The following GABRA1 variants were observed in gnomAD, a reference collection of about 807,000 sequenced individuals.
The protein encoded by GABRA1 is gamma-aminobutyric acid type A receptor subunit alpha1.
In GABRA1, 9 loss-of-function variants were observed where a neutral mutation model predicts 48.9. The observed-to-expected ratio is 0.18, with a 90% CI of 0.11 to 0.32. The LOEUF (loss-of-function observed/expected upper bound fraction) is 0.32. Ranked by LOEUF, GABRA1 falls within the 10% of genes least tolerant of loss-of-function variation. GABRA1 has a pLI of 1.00. For missense variants in GABRA1, 285 were observed against 553.8 expected (o/e 0.51, Z 4.87); for synonymous variants, 210 against 198.7 (o/e 1.06, Z -0.48).
intron 8 of GABRA1, among the ~76,000 whole-genome samples, chr5:161,893,924 A>C (rs1453512799): frequency 1.3e-5 from 2 of 152,194 alleles, no homozygotes; most frequent in African/African-American, 4.8e-5. Context: ...GTATTTTCCT[A>C]TGGCACAAAT....
intron 3 of GABRA1, among the ~76,000 whole-genome samples, chr5:161,862,524 T>C (rs1420072368): frequency 6.6e-6 from 1 of 151,910 alleles, no homozygotes; most frequent in East Asian, 1.9e-4. Flanking sequence ...TAATCTGAAT[T>C]TAATTAGCAG....
intron 7 of GABRA1, among the ~76,000 whole-genome samples, chr5:161,888,816 T>C (rs958296603): frequency 1.3e-5 from 2 of 151,980 alleles, no homozygotes; most frequent in Non-Finnish European, 2.9e-5. Context: ...CAGAAAATAA[T>C]AAGAAATTAA....
chr5:161,860,581 G>A (rs1323244944), intron 3 of GABRA1, among the ~76,000 whole-genome samples: 5 of 151,748 alleles, frequency 3.3e-5, no homozygotes, highest in African/African-American at 1.2e-4. Context: ...TAGCACAACA[G>A]GGTGACTATA....
chr5:161,881,297 C>T (rs142656013), intron 6 of GABRA1, among the ~76,000 whole-genome samples: 25 of 152,192 alleles, frequency 1.6e-4, no homozygotes, highest in Non-Finnish European at 7.4e-5. Flanking sequence ...GAAGAGAGTA[C>T]GTACTATCAT....
chr5:161,859,050 G>A (rs1040813698), intron 3 of GABRA1, among the ~76,000 whole-genome samples: 1 of 151,686 alleles, frequency 6.6e-6, no homozygotes, highest in Non-Finnish European at 1.5e-5. Flanking sequence ...ACATTTAACA[G>A]ATATTTAGTT....
At chr5:161,876,552 A>G (rs761771179) in intron 6 of GABRA1, among the ~76,000 whole-genome samples, 2 of 152,160 alleles carry the variant, frequency 1.3e-5, no homozygotes, top group Non-Finnish European at 2.9e-5. Flanking sequence ...GACAGAAAGT[A>G]AAGAAAATAG....
At chr5:161,883,718 T>C (rs1369982202) in intron 7 of GABRA1, among the ~76,000 whole-genome samples, 1 of 152,174 alleles carries the variant, frequency 6.6e-6, no homozygotes, top group Non-Finnish European at 1.5e-5. Flanking sequence ...CTTCTTCTGA[T>C]TTCATGCTTT....
intron 3 of GABRA1, among the ~76,000 whole-genome samples, chr5:161,856,328 GAA>G (rs1757642202): frequency 6.6e-6 from 1 of 151,232 alleles, no homozygotes; most frequent in East Asian, 1.9e-4. Flanking sequence ...GTTAATCCCA[GAA>G]AATAACAAAA....
chr5:161,894,823 G>T (rs544894669), intron 8 of GABRA1, among the ~76,000 whole-genome samples: 235 of 152,150 alleles, frequency 1.5e-3, no homozygotes, highest in African/African-American at 4.9e-3. Context: ...ACTAAAATGG[G>T]CTAACTTGAA....
At chr5:161,853,923 C>G (rs553659837) in intron 2 of GABRA1, among the ~76,000 whole-genome samples, 74 of 151,716 alleles carry the variant, frequency 4.9e-4, no homozygotes, top group African/African-American at 1.8e-3. Context: ...AAAAAGTAAA[C>G]AGACAGAAGT....
chr5:161,872,933 A>C lies in GABRA1; in HGVS notation c.256-184A>C. 3 of 601,362 alleles carry C rather than the reference A, an allele frequency of 5.0e-6. No individual in the cohort carries two copies. In the South Asian group the frequency reaches 5.9e-5, roughly 12 times the overall value. 37.3% of individuals were successfully genotyped at this position (601,362 alleles called of 1,614,324 possible). A position where few individuals can be genotyped will look rare whatever the true frequency, so the allele number is the denominator to read the frequency against. On this transcript the variant is annotated intron_variant, in intron 4 of 9. Transcript: ENST00000393943. ...TTTTAGATATTTTTTTTAAAAAATC[A>C]TTACACCAACCAGTGATTCTCCTGA... is the stretch of plus-strand genomic sequence containing the variant.
chr5:161,888,030 A>G (rs1225032254), intron 7 of GABRA1, among the ~76,000 whole-genome samples: 1 of 152,158 alleles, frequency 6.6e-6, no homozygotes, highest in Non-Finnish European at 1.5e-5. Flanking sequence ...GAAAAATTAT[A>G]TTAGTTGCTT....
At chr5:161,853,469 C>T (rs1757528853) in intron 2 of GABRA1, among the ~76,000 whole-genome samples, 1 of 151,810 alleles carries the variant, frequency 6.6e-6, no homozygotes, top group South Asian at 2.1e-4. Context: ...CTTAGTCAAC[C>T]ACAAATTAAG....
intron 5 of GABRA1, among the ~76,000 whole-genome samples, chr5:161,874,882 C>CAA (rs754872409): frequency 6.8e-6 from 1 of 147,810 alleles, no homozygotes; most frequent in African/African-American, 2.5e-5. Context: ...CTTAGCAATC[C>CAA]AAAAAAAAAC....
intron 1 of GABRA1, 96 bp downstream of exon 1, chr5:161,848,518 C>CGG (rs1757302283): frequency 8.3e-5 from 1 of 12,034 alleles, no homozygotes. Context: ...GGGGGGGGGG[C>CGG]GGGGGGAGAC....
intron 6 of GABRA1, among the ~76,000 whole-genome samples, chr5:161,880,709 C>T (rs1045462342): frequency 6.6e-6 from 1 of 152,154 alleles, no homozygotes; most frequent in African/African-American, 2.4e-5. Context: ...GGAACACTGG[C>T]TACATTTTTC....
chr5:161,886,121 G>T (rs1267106745), intron 7 of GABRA1, among the ~76,000 whole-genome samples: 1 of 152,096 alleles, frequency 6.6e-6, no homozygotes, highest in Non-Finnish European at 1.5e-5. Context: ...TTATTCCAAG[G>T]TCATACAGCT....
rs372205432 is a variant in GABRA1, at chr5:161,890,354, A to C, written c.704-544A>C. On this transcript the variant is annotated intron_variant, in intron 7 of 9. Transcript: ENST00000393943. ...GAAAATAAATTTTGAGAAACAAAAG[A>C]TTCTAGCCCACTCTCCTTATTTTGT... Among the ~76,000 whole-genome samples, 12 of 152,204 alleles carry C rather than the reference A, an allele frequency of 7.9e-5. No homozygotes were observed. In the East Asian group the frequency reaches 2.1e-3, roughly 27 times the overall value.
intron 7 of GABRA1, among the ~76,000 whole-genome samples, chr5:161,887,374 G>A (rs1242613968): frequency 1.3e-5 from 2 of 151,900 alleles, no homozygotes; most frequent in African/African-American, 2.4e-5. Context: ...AGAGCCTAGG[G>A]GCTTCCATTT....
Sources: gnomAD v4.1 joint callset for allele counts (sites outside exome capture counted in the v4.1 genomes callset) on GRCh38, gnomAD v4.1.1 for gene constraint, MANE v1.5 for transcripts, NCBI Gene and HGNC (gene_info 2026-07-23, HGNC 2026-07-21) for gene names.